Variants in ZNF385D observed in about 807,000 individuals in gnomAD.
ZNF385D encodes zinc finger protein 659.
In ZNF385D, 15 loss-of-function variants were observed where a neutral mutation model predicts 35.8. The observed-to-expected ratio is 0.42, with a 90% CI of 0.28 to 0.64. The LOEUF is 0.64. Among genes scored for constraint, ZNF385D ranks in the 30% least tolerant of loss-of-function variants. The probability of loss-of-function intolerance (pLI) is 0.23; values close to 1 mark genes in which losing one functional copy is unlikely to be tolerated. For missense variants in ZNF385D, 474 were observed against 494.6 expected (o/e 0.96, Z 0.39); for synonymous variants, 212 against 186.8 (o/e 1.13, Z -1.10).
At chr3:22,265,653 G>A (rs1356082516) in intron 2 of ZNF385D, among the ~76,000 whole-genome samples, 1 of 151,956 alleles carries the variant, frequency 6.6e-6, no homozygotes, top group East Asian at 1.9e-4. Context: ...AAGTCACTGA[G>A]TGATAGAATT....
chr3:21,522,911 G>A (rs1172730384), intron 3 of ZNF385D, among the ~76,000 whole-genome samples: 1 of 152,200 alleles, frequency 6.6e-6, no homozygotes, highest in Admixed American at 6.5e-5. Context: ...GTTTAGTTAG[G>A]TGCTAACAGC....
chr3:21,720,906 G>A (rs1369029345), intron 1 of ZNF385D, among the ~76,000 whole-genome samples: 1 of 152,140 alleles, frequency 6.6e-6, no homozygotes, highest in Non-Finnish European at 1.5e-5. Context: ...TTGCAACCAC[G>A]CAATTATTTG....
At chr3:21,766,838 A>C (rs1210563012) in intron 3 of ZNF385D, among the ~76,000 whole-genome samples, 1 of 152,032 alleles carries the variant, frequency 6.6e-6, no homozygotes, top group African/African-American at 2.4e-5. Flanking sequence ...ATTTACTGGA[A>C]ACACTGTTTG....
intron 2 of ZNF385D, among the ~76,000 whole-genome samples, chr3:22,169,826 A>T (rs1706567945): frequency 6.6e-6 from 1 of 152,062 alleles, no homozygotes; most frequent in African/African-American, 2.4e-5. Flanking sequence ...ACAGGGTTTC[A>T]CTCTGTCACT....
At chr3:21,610,071 A>G (rs1322939469) in intron 2 of ZNF385D, among the ~76,000 whole-genome samples, 1 of 152,088 alleles carries the variant, frequency 6.6e-6, no homozygotes, top group African/African-American at 2.4e-5. Context: ...ACTTTCTTTA[A>G]ATACTGTGTA....
chr3:22,219,684 A>G lies in ZNF385D; in HGVS notation c.107-50649T>C, dbSNP rs144666830. Among the ~76,000 whole-genome samples the G allele has an allele frequency of 4.5e-3, 679 of 152,280 alleles. 4 individuals are homozygous for G. The highest frequency in any genetic ancestry group is 0.016 in the African/African-American group (648 of 41,560). ...CATAGCATTTATAACATTCTCAACTATTTCTAGAGGAATGACTCATAATTA... is the reference window on the plus strand; with the variant it reads ...CATAGCATTTATAACATTCTCAACTGTTTCTAGAGGAATGACTCATAATTA... On this transcript the variant is annotated intron_variant, in intron 2 of 5. Transcript: ENST00000494108.
chr3:22,202,611 C>G (rs1696873929), intron 2 of ZNF385D, among the ~76,000 whole-genome samples: 1 of 152,074 alleles, frequency 6.6e-6, no homozygotes, highest in Non-Finnish European at 1.5e-5. Flanking sequence ...GATCACAGTA[C>G]CTGGTTTTAA....
chr3:22,114,670 G>C (rs918408765), intron 3 of ZNF385D, among the ~76,000 whole-genome samples: 5 of 152,064 alleles, frequency 3.3e-5, no homozygotes. Context: ...AGTTCTCCCA[G>C]GTCAGGGGTG....
intron 2 of ZNF385D, among the ~76,000 whole-genome samples, chr3:22,245,652 G>A (rs1351434101): frequency 6.6e-6 from 1 of 151,354 alleles, no homozygotes; most frequent in African/African-American, 2.4e-5. Context: ...CAATAGACGG[G>A]TGTGTGCTGC....
At chr3:21,574,060 CAA>C (rs57041075) in intron 2 of ZNF385D, among the ~76,000 whole-genome samples, 23 of 129,012 alleles carry the variant, frequency 1.8e-4, no homozygotes, top group South Asian at 2.6e-4. Flanking sequence ...AACTCCGTCT[CAA>C]AAAAAAAAAA....
intron 3 of ZNF385D, among the ~76,000 whole-genome samples, chr3:21,828,938 T>C (rs1694824534): frequency 6.6e-6 from 1 of 152,192 alleles, no homozygotes; most frequent in Non-Finnish European, 1.5e-5. Flanking sequence ...ATGTCTCCTT[T>C]CACTGACTTT....
At chr3:22,076,269 T>C (rs1700457718) in intron 3 of ZNF385D, among the ~76,000 whole-genome samples, 1 of 151,966 alleles carries the variant, frequency 6.6e-6, no homozygotes, top group African/African-American at 2.4e-5. Flanking sequence ...TCCATTATTG[T>C]GGCCTGGTCT....
intron 1 of ZNF385D, among the ~76,000 whole-genome samples, chr3:21,699,593 A>G (rs1006289160): frequency 3.3e-5 from 5 of 152,150 alleles, no homozygotes; most frequent in African/African-American, 1.2e-4. Flanking sequence ...TACCAGATGC[A>G]CTCTAAATGT....
At chr3:21,548,080 C>T (rs771649594) in intron 3 of ZNF385D, among the ~76,000 whole-genome samples, 7 of 152,110 alleles carry the variant, frequency 4.6e-5, no homozygotes, top group Admixed American at 2.0e-4. Context: ...TGGTGGGAAG[C>T]GCTCTAACAG....
intron 2 of ZNF385D, among the ~76,000 whole-genome samples, chr3:22,362,232 T>C (rs1696443000): frequency 6.6e-6 from 1 of 151,958 alleles, no homozygotes; most frequent in Non-Finnish European, 1.5e-5. Context: ...TTCTAATTTA[T>C]GATCTGAAAA....
intron 3 of ZNF385D, among the ~76,000 whole-genome samples, chr3:21,869,880 T>C (rs1035776362): frequency 4.6e-5 from 7 of 152,082 alleles, no homozygotes; most frequent in East Asian, 1.9e-4. Context: ...CTCTTAAACA[T>C]AGAATTGCAA....
chr3:21,701,220 C>T (rs968185233), intron 1 of ZNF385D, among the ~76,000 whole-genome samples: 1 of 152,178 alleles, frequency 6.6e-6, no homozygotes, highest in Non-Finnish European at 1.5e-5. Context: ...TTTAACTGGA[C>T]TTACAGTTCC....
chr3:21,810,787 A>G (rs1037905708), intron 3 of ZNF385D, among the ~76,000 whole-genome samples: 4 of 152,040 alleles, frequency 2.6e-5, no homozygotes, highest in African/African-American at 9.7e-5. Flanking sequence ...TCCCTACACA[A>G]TATTTATATT....
intron 7 of ZNF385D, among the ~76,000 whole-genome samples, chr3:21,422,666 G>A (rs1362478469): frequency 1.3e-5 from 2 of 152,188 alleles, no homozygotes; most frequent in African/African-American, 4.8e-5. Context: ...TTATCTCTGG[G>A]ATGAGAGGTT....
Sources: gnomAD v4.1 joint callset for allele counts (sites outside exome capture counted in the v4.1 genomes callset) on GRCh38, gnomAD v4.1.1 for gene constraint, MANE v1.5 for transcripts, NCBI Gene and HGNC (gene_info 2026-07-23, HGNC 2026-07-21) for gene names.